The following EIF2B1 variants were observed in gnomAD, a reference collection of about 807,000 sequenced individuals.
EIF2B1 encodes translation initiation factor eIF2B subunit alpha.
In EIF2B1, 30 loss-of-function variants were observed where a neutral mutation model predicts 36.8. The observed-to-expected ratio is 0.81, with a 90% CI of 0.61 to 1.10. The LOEUF is 1.10. Among genes scored for constraint, EIF2B1 ranks in the 50% least tolerant of loss-of-function variants. The pLI, the probability that EIF2B1 is intolerant of heterozygous loss-of-function variation, is 0.00. For synonymous variants in EIF2B1, 139 were observed against 142.2 expected (o/e 0.98, Z 0.16); for missense variants, 271 against 374.8 (o/e 0.72, Z 2.29).
chr12:123,633,635 T>G lies in EIF2B1; in HGVS notation c.-78A>C. 6.3e-7 allele frequency: 1 copy of G among 1,590,972 alleles called. No homozygotes were observed. The highest frequency in any genetic ancestry group is 8.5e-7 in the Non-Finnish European group (1 of 1,173,990). ...GAACGGGTCCGCCGGCCGCGCCGCC[T>G]GCGAGCCAGTCTGACAGCGCGCTGC... On this transcript the variant is annotated 5_prime_UTR_variant, in exon 1 of 9. Coordinates refer to ENST00000424014, the MANE Select transcript of EIF2B1 (RefSeq NM_001414.4).
At chr12:123,626,268 A>G in intron 6 of EIF2B1, 157 bp downstream of exon 6, 3 of 802,720 alleles carry the variant, frequency 3.7e-6, no homozygotes, top group South Asian at 3.3e-5. Flanking sequence ...TCACAACCTC[A>G]TAACAAGCTT....
At chr12:123,624,766 G>A in intron 7 of EIF2B1, 21 bp downstream of exon 7, 7 of 1,608,644 alleles carry the variant, frequency 4.4e-6, no homozygotes, top group Non-Finnish European at 6.0e-6. Flanking sequence ...GCAGGGAACT[G>A]GGGAGAACTG....
At chr12:123,622,545 G>A in intron 8 of EIF2B1, 91 bp downstream of exon 8, 1 of 1,558,962 alleles carries the variant, frequency 6.4e-7, no homozygotes, top group South Asian at 1.1e-5. Context: ...GCAATAGGAA[G>A]TGAAAAAATT....
chr12:123,627,059 T>G lies in EIF2B1; in HGVS notation c.467A>C (p.Gln156Pro). 6.2e-7 allele frequency: 1 copy of G among 1,614,200 alleles called. No individual in the cohort carries two copies. Among genetic ancestry groups the G allele is most frequent in the Non-Finnish European group, 8.5e-7 (1 of 1,180,022 alleles). The change falls in exon 5 of 9, where the codon CAG becomes CCG. Residue 156 changes from glutamine (Q) to proline (P), a missense_variant. Transcript: ENST00000424014. ...KRFSVYVTES[Q>P]PDLSGKKMAK... ...AGGTACTTGCCCTGACAAATCAGGC[T>G]GTGACTCTGTGACGTATACACTAAA... is the stretch of plus-strand genomic sequence containing the variant.
chr12:123,632,848 A>G (rs1474295214), intron 1 of EIF2B1, among the ~76,000 whole-genome samples: 3 of 149,304 alleles, frequency 2.0e-5, no homozygotes, highest in Non-Finnish European at 4.4e-5. Flanking sequence ...TGGGAGGCTG[A>G]GGCAGGAGAA....
chr12:123,626,853 T>C lies in EIF2B1; in HGVS notation c.482+191A>G, dbSNP rs117835143. On this transcript the variant is annotated intron_variant, in intron 5 of 8. Coordinates refer to ENST00000424014, the MANE Select transcript of EIF2B1 (RefSeq NM_001414.4). Reference sequence around the variant, plus strand: ...GAGTTAACTACTTAAGTGAAACCCCTAGATCATATACTGCGGCCTGCTGCA... The same window carrying C: ...GAGTTAACTACTTAAGTGAAACCCCCAGATCATATACTGCGGCCTGCTGCA... The C allele has an allele frequency of 2.7e-3, 1,925 of 711,260 alleles. 4 individuals carry two copies. Among genetic ancestry groups the C allele is most frequent in the Non-Finnish European group, 4.2e-3 (1,658 of 392,338 alleles). The allele number at this position is 711,260 out of a possible 1,614,324, so 44.1% of individuals were successfully genotyped here.
At position 123,625,004 on chromosome 12, in the gene EIF2B1, C is replaced by T. The variant is rs1158375460; in HGVS notation, c.552-142G>A. 22 of 712,450 alleles carry T rather than the reference C, an allele frequency of 3.1e-5. No homozygotes were observed. The East Asian group carries it at 4.4e-4, about 14-fold the overall frequency. The allele number at this position is 712,450 out of a possible 1,614,324, so 44.1% of individuals were successfully genotyped here. A position where few individuals can be genotyped will look rare whatever the true frequency, so the allele number is the denominator to read the frequency against. ...TTTTTTTTAAAGCGCACTTAACACG[C>T]GATAGACCCCTGGCATTGTTACCAG... On this transcript the variant is annotated intron_variant, in intron 6 of 8. Transcript: ENST00000424014.
rs143984177 is a variant in EIF2B1, at chr12:123,621,929, A to G, written c.754-9T>C. 1.9e-5 allele frequency: 31 copies of G among 1,613,770 alleles called. No homozygotes were observed. In the African/African-American group the frequency reaches 3.5e-4, roughly 18 times the overall value. On this transcript the variant is annotated splice_polypyrimidine_tract_variant and intron_variant, in intron 8 of 8. Transcript: ENST00000424014. ...AGAGTGTCTGCCTTATACTGAGGAG[A>G]GAAGTACACATTAGTCGGCACTGAA...
At chr12:123,626,241 GTCT>G (rs1331066286) in intron 6 of EIF2B1, 181 bp downstream of exon 6, 5 of 657,944 alleles carry the variant, frequency 7.6e-6, no homozygotes, top group Non-Finnish European at 1.1e-5. Context: ...CTACAGCTCT[GTCT>G]TCTTTGTATG....
At position 123,627,115 on chromosome 12, in the gene EIF2B1, G is replaced by C. The variant is rs1213787175; in HGVS notation, c.411C>G (p.Val137=). ...THAYSRVVLR[V]LEAAVAAKKR... ...TCTTGGCCGCCACGGCTGCTTCCAG[G>C]ACTCTCAGGACCACTCTGGAGTAGG... The change falls in exon 5 of 9, where the codon GTC becomes GTG. Residue 137 remains valine (V), a synonymous_variant. Transcript: ENST00000424014. 6.2e-7 allele frequency: 1 copy of C among 1,614,188 alleles called. No individual in the cohort carries two copies.
rs112623314 is a variant in EIF2B1 at position 123,626,465 on chromosome 12, G to C, written c.511C>G (p.Leu171Val). ...AGCACCACAGTGACAGGGACGTTGA[G>C]GTGGCAGAGGGCTTTGGCCATTTTC... ...GKKMAKALCH[L>V]NVPVTVVLDA... The change falls in exon 6 of 9, where the codon CTC (leucine) becomes GTC (valine). Residue 171 changes from leucine (L) to valine (V), a missense_variant. Coordinates refer to ENST00000424014, the MANE Select transcript of EIF2B1 (RefSeq NM_001414.4). 5.0e-6 allele frequency: 8 copies of C among 1,614,068 alleles called. No individual in the cohort carries two copies. The highest frequency in any genetic ancestry group is 1.1e-5 in the South Asian group (1 of 91,088).
At position 123,621,707 on chromosome 12, in the gene EIF2B1, C is replaced by T. The variant is rs61458734; in HGVS notation, c.*49G>A. 4.3e-3 allele frequency: 6,950 copies of T among 1,611,898 alleles called. 146 individuals are homozygous for T. The African/African-American group carries it at 0.062, about 14-fold the overall frequency. ...CACTGGGGTGTCAAGCAGCTACTCA[C>T]CCTGCCTCAACTACGTAAGCTGCAC... On this transcript the variant is annotated 3_prime_UTR_variant, in exon 9 of 9. Transcript: ENST00000424014.
chr12:123,622,109 C>T (rs551838706), intron 8 of EIF2B1, among the ~76,000 whole-genome samples, 189 bp from the exon 9 acceptor site: 33 of 152,292 alleles, frequency 2.2e-4, no homozygotes, highest in African/African-American at 7.9e-4. Flanking sequence ...AGTGTGCTGG[C>T]TGAGAGCTGT....
intron 7 of EIF2B1, 23 bp from the exon 8 acceptor site, chr12:123,622,784 G>C: frequency 6.2e-7 from 1 of 1,612,978 alleles, no homozygotes; most frequent in East Asian, 2.2e-5. Flanking sequence ...AAAATGGAAT[G>C]GATGAGCTCT....
Position 123,627,080 on chromosome 12 carries a change from C to G in EIF2B1, c.446G>C (p.Ser149Thr), listed in dbSNP as rs377608966. The stretch of plus-strand genomic sequence containing the variant: ...AGGCTGTGACTCTGTGACGTATACA[C>G]TAAATCGCTTCTTGGCCGCCACGGC... ...EAAVAAKKRF[S>T]VYVTESQPDL... The change falls in exon 5 of 9, where the codon AGT (serine) becomes ACT (threonine). Residue 149 changes from serine to threonine, a missense_variant. By Grantham distance (58) the Ser-to-Thr change is moderately conservative. Coordinates refer to ENST00000424014, the MANE Select transcript of EIF2B1 (RefSeq NM_001414.4). The G allele has an allele frequency of 2.5e-6, 4 of 1,614,214 alleles. 1 individual carries two copies. Among genetic ancestry groups the G allele is most frequent in the South Asian group, 2.2e-5 (2 of 91,088 alleles).
Position 123,621,524 on chromosome 12 carries a change from G to C in EIF2B1, c.*232C>G. 1.8e-6 allele frequency: 1 copy of C among 566,276 alleles called. No individual in the cohort carries two copies. The highest frequency in any genetic ancestry group is 3.1e-6 in the Non-Finnish European group (1 of 321,728). The allele number at this position is 566,276 out of a possible 1,614,324, so 35.1% of individuals were successfully genotyped here. A position where few individuals can be genotyped will look rare whatever the true frequency, so the allele number is the denominator to read the frequency against. ...GTATTTCTGGAAACTGAAAAGGAAA[G>C]TTTCTAGAAACCGTAAGAACAATTT... On this transcript the variant is annotated 3_prime_UTR_variant, in exon 9 of 9. Coordinates refer to ENST00000424014, the MANE Select transcript of EIF2B1 (RefSeq NM_001414.4).
chr12:123,622,899 CAT>C lies in EIF2B1; in HGVS notation c.628-140_628-139del. 2.3e-6 allele frequency: 3 copies of C among 1,323,190 alleles called. No homozygotes were observed. The South Asian group carries it at 3.6e-5, about 16-fold the overall frequency. 82.0% of individuals were successfully genotyped at this position (1,323,190 alleles called of 1,614,324 possible). A position where few individuals can be genotyped will look rare whatever the true frequency, so the allele number is the denominator to read the frequency against. On this transcript the variant is annotated intron_variant, in intron 7 of 8. Coordinates refer to ENST00000424014, the MANE Select transcript of EIF2B1 (RefSeq NM_001414.4). ...CCGAGGTGGGTGGATCACCTGAACC[CAT>C]GAGTTTGGGACCAGCCTAGGCAACA...
At chr12:123,626,680 A>G in intron 5 of EIF2B1, 187 bp from the exon 6 acceptor site, 1 of 713,426 alleles carries the variant, frequency 1.4e-6, no homozygotes. Flanking sequence ...GTATTTTTGG[A>G]AAACTATACT....
Position 123,621,556 on chromosome 12 carries a change from G to C in EIF2B1, c.*200C>G, listed in dbSNP as rs1014091185. The C allele has an allele frequency of 3.1e-6, 2 of 642,100 alleles. No homozygotes were observed. Among genetic ancestry groups the C allele is most frequent in the Admixed American group, 5.6e-5 (2 of 35,810 alleles). The allele number at this position is 642,100 out of a possible 1,614,324, so 39.8% of individuals were successfully genotyped here. On this transcript the variant is annotated 3_prime_UTR_variant, in exon 9 of 9. Transcript: ENST00000424014. ...GAAACCGTAAGAACAATTTAAGTTG[G>C]GATTTAGAATAGCTGACACATTTTT...
Sources: gnomAD v4.1 joint callset for allele counts (sites outside exome capture counted in the v4.1 genomes callset) on GRCh38, gnomAD v4.1.1 for gene constraint, MANE v1.5 for transcripts, NCBI Gene and HGNC (gene_info 2026-07-23, HGNC 2026-07-21) for gene names.